Variants in TACC2 observed in about 807,000 individuals in gnomAD.
TACC2 encodes the protein transforming acidic coiled-coil-containing protein 2.
In TACC2, 137 loss-of-function variants were observed where a neutral mutation model predicts 227.3. The ratio of observed to expected loss-of-function variants is 0.60; its 90% confidence interval spans 0.52 to 0.69. TACC2 has a LOEUF of 0.69. Ranked by LOEUF, TACC2 falls within the 30% of genes least tolerant of loss-of-function variation. The pLI is 0.00. For synonymous variants in TACC2, 1,523 were observed against 1,487.5 expected (o/e 1.02, Z -0.55); for missense variants, 3,470 against 3,694.4 (o/e 0.94, Z 1.57).
chr10:122,035,821 T>C (rs939012650), intron 2 of TACC2, among the ~76,000 whole-genome samples: 1 of 152,090 alleles, frequency 6.6e-6, no homozygotes, highest in Non-Finnish European at 1.5e-5. Context: ...CTTTCCCTCC[T>C]TCCTTCCTTC....
intron 1 of TACC2, among the ~76,000 whole-genome samples, chr10:122,008,408 G>A (rs901834774): frequency 6.7e-5 from 10 of 150,364 alleles, no homozygotes; most frequent in African/African-American, 2.5e-4. Context: ...TTACAGGCAT[G>A]TGCCACCAGG....
At chr10:122,110,647 C>A (rs1293659411) in intron 5 of TACC2, among the ~76,000 whole-genome samples, 3 of 152,176 alleles carry the variant, frequency 2.0e-5, no homozygotes, top group African/African-American at 7.2e-5. Context: ...CAGAGTGGTT[C>A]TCCTGCAGTG....
In TACC2 at chr10:122,086,954, C is replaced by T. The variant is rs771707264; in HGVS notation, c.4454C>T (p.Ser1485Phe). ...CAGTTGGCTGGAGAGGCTGAGATTT[C>T]CCATCTGGCTCTGCAAGATCCAGCT... ...KQQLAGEAEI[S>F]HLALQDPASD... The change falls in exon 4 of 23, where the codon TCC becomes TTC. Residue 1485 changes from serine to phenylalanine, a missense_variant. By Grantham distance (155) the Ser-to-Phe change is radical. Around this residue, in one of 10 missense-constraint regions of TACC2, gnomAD observed 1,924 missense variants for 1,978.3 expected, o/e 0.97. Transcript: ENST00000369005. 1.2e-6 allele frequency: 2 copies of T among 1,613,950 alleles called. No individual in the cohort carries two copies. Among genetic ancestry groups the T allele is most frequent in the Non-Finnish European group, 8.5e-7 (1 of 1,180,044 alleles).
chr10:122,241,638 A>G (rs562183352), intron 18 of TACC2: 3 of 418,374 alleles, frequency 7.2e-6, no homozygotes, highest in South Asian at 3.6e-5. Flanking sequence ...GTGTTGCCCA[A>G]GGTGGTCTCA....
At chr10:122,146,317 C>T (rs1250945663) in intron 7 of TACC2, among the ~76,000 whole-genome samples, 2 of 152,086 alleles carry the variant, frequency 1.3e-5, no homozygotes, top group Non-Finnish European at 2.9e-5. Context: ...ATTGATACAT[C>T]TTTATTATAA....
intron 5 of TACC2, among the ~76,000 whole-genome samples, chr10:122,120,785 G>A (rs954795701): frequency 6.6e-6 from 1 of 151,666 alleles, no homozygotes; most frequent in African/African-American, 2.4e-5. Context: ...TTTTGAGACG[G>A]AGTCCTGCTC....
At chr10:122,073,119 AAAAAAAAATATAT>A (rs1405108778) in intron 3 of TACC2, among the ~76,000 whole-genome samples, 9 of 74,454 alleles carry the variant, frequency 1.2e-4, no homozygotes, top group African/African-American at 4.3e-4. Flanking sequence ...AAAAAAAAAA[AAAAAAAAATATAT>A]ATATATATAT....
At chr10:122,034,927 CAAAA>C (rs66566854) in intron 2 of TACC2, among the ~76,000 whole-genome samples, 5 of 116,178 alleles carry the variant, frequency 4.3e-5, no homozygotes, top group Non-Finnish European at 3.6e-5. Flanking sequence ...GACTCCATCT[CAAAA>C]AAAAAAAAAA....
chr10:122,074,316 G>A (rs1320098744), intron 3 of TACC2, among the ~76,000 whole-genome samples: 2 of 151,944 alleles, frequency 1.3e-5, no homozygotes, highest in African/African-American at 4.8e-5. Context: ...CTGACCTCAG[G>A]TGATCCACCT....
chr10:122,216,876 C>T (rs10444046), intron 11 of TACC2, 48 bp downstream of exon 11: 1 of 1,613,656 alleles, frequency 6.2e-7, no homozygotes, highest in Non-Finnish European at 8.5e-7. Context: ...CTCGGAGAAT[C>T]CTGCCCCTAG....
Position 122,195,143 on chromosome 10 carries a change from G to A in TACC2, c.5938G>A (p.Glu1980Lys), listed in dbSNP as rs140976774. 7.9e-4 allele frequency: 1,015 copies of A among 1,287,952 alleles called. 12 individuals are homozygous for A. The Admixed American group carries it at 0.019, about 24-fold the overall frequency. 79.8% of individuals were successfully genotyped at this position (1,287,952 alleles called of 1,614,324 possible). A position where few individuals can be genotyped will look rare whatever the true frequency, so the allele number is the denominator to read the frequency against. Residue 1980 changes from glutamate (E) to lysine (K), a missense_variant, in exon 8 of 23, where the codon GAG (glutamate) becomes AAG (lysine). This residue lies in a region of TACC2 where 593 missense variants were observed against 636.6 expected (regional missense o/e 0.93). Transcript: ENST00000369005. ...PPPPEVIPEP[E>K]VSTQPPPEEP... is the part of the protein sequence containing the mutation. ...ACCCCCCGAAGTCATCCCAGAACCC[G>A]AGGTCAGCACACAGCCACCCCCGGA...
Position 122,146,634 on chromosome 10 carries a change from C to T in TACC2, c.5834+2928C>T, listed in dbSNP as rs185278480. Among the ~76,000 whole-genome samples the T allele has an allele frequency of 3.0e-4, 46 of 152,282 alleles. 1 individual carries two copies. The highest frequency in any genetic ancestry group is 1.1e-3 in the African/African-American group (45 of 41,570). ...CAGAGTCCCCACCAGCAAGAAGGCCCTCACCAGATGCTGCCCCTTGACCTT... is the reference window on the plus strand; with the variant it reads ...CAGAGTCCCCACCAGCAAGAAGGCCTTCACCAGATGCTGCCCCTTGACCTT... On this transcript the variant is annotated intron_variant, in intron 7 of 22. Coordinates refer to ENST00000369005, the MANE Select transcript of TACC2 (RefSeq NM_206862.4).
Position 122,170,175 on chromosome 10 carries a change from C to T in TACC2, c.5835-24865C>T, listed in dbSNP as rs191551675. On this transcript the variant is annotated intron_variant, in intron 7 of 22. Transcript: ENST00000369005. ...AAACAAAAACAAATGTGCATTCAAA[C>T]GAACCCAGCCCCACCCCCATCTTCC... 3.4e-3 allele frequency among the ~76,000 whole-genome samples: 512 copies of T among 151,498 alleles called. 1 individual carries two copies. The highest frequency in any genetic ancestry group is 5.6e-3 in the Non-Finnish European group (378 of 67,934).
intron 3 of TACC2, among the ~76,000 whole-genome samples, chr10:122,068,628 A>AT (rs1190288626): frequency 6.6e-6 from 1 of 150,814 alleles, no homozygotes; most frequent in Non-Finnish European, 1.5e-5. Flanking sequence ...AACAGGAATT[A>AT]TTCCCAGCTC....
intron 5 of TACC2, among the ~76,000 whole-genome samples, chr10:122,104,861 C>CA (rs1193929695): frequency 3.3e-5 from 5 of 152,224 alleles, no homozygotes; most frequent in African/African-American, 1.2e-4. Flanking sequence ...AACATCTCCC[C>CA]TTACCTCTTC....
intron 3 of TACC2, among the ~76,000 whole-genome samples, chr10:122,057,491 G>A (rs2076324420): frequency 2.0e-5 from 3 of 151,942 alleles, no homozygotes; most frequent in African/African-American, 7.3e-5. Context: ...TGGCCAAAGG[G>A]ACCCTAAAGA....
chr10:122,046,274 A>T (rs370580163), intron 2 of TACC2, among the ~76,000 whole-genome samples: 3 of 151,688 alleles, frequency 2.0e-5, no homozygotes, highest in East Asian at 3.9e-4. Flanking sequence ...GGAGATTGAG[A>T]CCATCCTGGC....
chr10:122,149,983 G>A (rs543819696), intron 7 of TACC2, among the ~76,000 whole-genome samples: 106 of 152,344 alleles, frequency 7.0e-4, no homozygotes, highest in African/African-American at 2.5e-3. Flanking sequence ...CTCAGTCTCC[G>A]AAATGTGAGC....
chr10:122,213,271 T>G, intron 9 of TACC2: 27 of 1,478,776 alleles, frequency 1.8e-5, no homozygotes, highest in Non-Finnish European at 2.3e-5. Flanking sequence ...TAATAACCAG[T>G]TGTCTGCAGA....
Sources: gnomAD v4.1 joint callset for allele counts (sites outside exome capture counted in the v4.1 genomes callset) on GRCh38, gnomAD v4.1.1 for gene constraint, gnomAD v4.1.1 regional missense constraint, MANE v1.5 for transcripts, NCBI Gene and HGNC (gene_info 2026-07-23, HGNC 2026-07-21) for gene names.